Variants in URI1 observed in about 807,000 individuals in gnomAD.
The protein encoded by URI1 is URI1 prefoldin like chaperone, also known as unconventional prefoldin RPB5 interactor 1.
A neutral mutation model predicts 60.2 loss-of-function variants in URI1; 39 were observed. The observed-to-expected ratio is 0.65, with a 90% CI of 0.50 to 0.85. The LOEUF is 0.85. URI1 is among the 40% of genes least tolerant of loss of function. The pLI is 0.00. For synonymous variants in URI1, 251 were observed against 236.8 expected, an observed-to-expected ratio of 1.06 and a Z score of -0.55; for missense variants, 691 against 665.9, an observed-to-expected ratio of 1.04 and a Z score of -0.42.
chr19:29,942,779 G>C (rs1339398316), intron 1 of URI1, 115 bp downstream of exon 1: 2 of 1,181,850 alleles, frequency 1.7e-6, no homozygotes, highest in Non-Finnish European at 2.1e-6. Context: ...CGGAGGGAAC[G>C]GGGATAAACT....
rs146837082 is a variant in URI1 at position 29,994,980 on chromosome 19, C to T, written c.367+8563C>T. ...TATTTTTAGTAGAGACAGGGTTTCA[C>T]CATGTTGGCCAGGCTGATCTTGAAC... On this transcript the variant is annotated intron_variant, in intron 4 of 10. Coordinates refer to ENST00000392271, the MANE Select transcript of URI1 (RefSeq NM_003796.3). 7.0e-3 allele frequency among the ~76,000 whole-genome samples: 1,061 copies of T among 152,152 alleles called. 8 individuals are homozygous for T. The highest frequency in any genetic ancestry group is 0.024 in the African/African-American group (1,006 of 41,486).
chr19:30,005,448 G>C lies in URI1; in HGVS notation c.455G>C (p.Ser152Thr). The change falls in exon 5 of 11, where the codon AGC becomes ACC. Residue 152 changes from serine (S) to threonine (T), a missense_variant. By Grantham distance (58) the Ser-to-Thr change is moderately conservative (BLOSUM62 1). Coordinates refer to ENST00000392271, the MANE Select transcript of URI1 (RefSeq NM_003796.3). ...VEFTEDLQKMSDAAGDIVDIR... is the reference protein window; with the variant it reads ...VEFTEDLQKMTDAAGDIVDIR... ...TTCACAGAAGATTTGCAGAAAATGA[G>C]CGATGTGAGTATTTGTTTTTAGTCT... 4 of 1,596,168 alleles carry C rather than the reference G, an allele frequency of 2.5e-6. No homozygotes were observed. In the Middle Eastern group the frequency reaches 5.1e-4, roughly 202 times the overall value.
intron 2 of URI1, among the ~76,000 whole-genome samples, chr19:29,981,569 AGTTTCTTACAT>A (rs2055598250): frequency 6.6e-6 from 1 of 152,088 alleles, no homozygotes; most frequent in African/African-American, 2.4e-5. Flanking sequence ...AAGTGGTTAA[AGTTTCTTACAT>A]GCCTTATACC....
At chr19:30,002,678 GTTTTTAT>G (rs1201974824) in intron 4 of URI1, among the ~76,000 whole-genome samples, 2 of 151,682 alleles carry the variant, frequency 1.3e-5, no homozygotes, top group African/African-American at 4.8e-5. Flanking sequence ...TTCAATTTTA[GTTTTTAT>G]TTTTTGGGGT....
At chr19:30,011,335 C>G in intron 9 of URI1, 99 bp downstream of exon 9, 5 of 1,441,366 alleles carry the variant, frequency 3.5e-6, no homozygotes, top group Non-Finnish European at 4.6e-6. Flanking sequence ...ACAGAAGACC[C>G]TCACTGAAAA....
Position 30,011,128 on chromosome 19 carries a change from A to C in URI1, c.1070A>C (p.Lys357Thr). The C allele has an allele frequency of 6.2e-7, 1 of 1,612,990 alleles. No homozygotes were observed. Among genetic ancestry groups the C allele is most frequent in the East Asian group, 2.2e-5 (1 of 44,788 alleles). The change falls in exon 9 of 11, where the codon AAA becomes ACA. Residue 357 changes from lysine to threonine, a missense_variant. Coordinates refer to ENST00000392271, the MANE Select transcript of URI1 (RefSeq NM_003796.3). Reference sequence around the variant, plus strand: ...AATACTGGAAAGAATACCACTTTAAAATTCAGTGAAAAGAAAGAAGAAGCC... The same window carrying C: ...AATACTGGAAAGAATACCACTTTAACATTCAGTGAAAAGAAAGAAGAAGCC... ...RINTGKNTTLKFSEKKEEAKR... is the reference protein window; with the variant it reads ...RINTGKNTTLTFSEKKEEAKR...
chr19:29,980,026 C>T (rs912624804), intron 2 of URI1: 7 of 152,002 alleles, frequency 4.6e-5, no homozygotes, highest in Non-Finnish European at 1.0e-4. Flanking sequence ...TAACTTTTAT[C>T]AATTTGTTTA....
upstream of URI1, chr19:29,942,136 G>C (rs1175957161): frequency 1.1e-6 from 1 of 872,124 alleles, no homozygotes; most frequent in Non-Finnish European, 1.4e-6. Context: ...CAGCCACGCG[G>C]TTCGCATCAA....
chr19:29,934,781 C>G (rs927007579), intron 1 of URI1, among the ~76,000 whole-genome samples: 3 of 140,178 alleles, frequency 2.1e-5, no homozygotes, highest in Non-Finnish European at 3.0e-5. Flanking sequence ...AGTCTTGAAT[C>G]CTGGGCTCAA....
Position 29,942,494 on chromosome 19 carries a change from T to G in URI1, c.-54T>G, listed in dbSNP as rs978606559. The G allele has an allele frequency of 2.6e-6, 3 of 1,154,120 alleles. No individual in the cohort carries two copies. The highest frequency in any genetic ancestry group is 3.3e-5 in the African/African-American group (2 of 61,278). 71.5% of individuals were successfully genotyped at this position (1,154,120 alleles called of 1,614,324 possible). ...CTGGGCAACTGCCGGCCGCGCCGCC[T>G]GCGCAGGCGCTGGTTCAGGACTCAC... On this transcript the variant is annotated 5_prime_UTR_variant, in exon 1 of 11. Transcript: ENST00000392271.
chr19:29,956,596 A>G (rs932592653), intron 1 of URI1: 3 of 1,504,180 alleles, frequency 2.0e-6, no homozygotes, highest in East Asian at 2.3e-5. Flanking sequence ...TGAACAGGCA[A>G]CACCTGGTCT....
chr19:29,961,204 A>C (rs1272216934), intron 1 of URI1, among the ~76,000 whole-genome samples: 5 of 148,352 alleles, frequency 3.4e-5, no homozygotes, highest in Non-Finnish European at 5.9e-5. Flanking sequence ...CATTGGGTAT[A>C]TTCACGTTGT....
intron 4 of URI1, among the ~76,000 whole-genome samples, chr19:29,996,647 A>G (rs1164078591): frequency 1.3e-5 from 2 of 152,118 alleles, no homozygotes; most frequent in Admixed American, 1.3e-4. Context: ...GTTGTTGAAT[A>G]GACATGTTCA....
At chr19:29,988,278 T>TA (rs2055698699) in intron 4 of URI1, among the ~76,000 whole-genome samples, 1 of 152,008 alleles carries the variant, frequency 6.6e-6, no homozygotes, top group East Asian at 1.9e-4. Context: ...TAAGAAAAGG[T>TA]ACTTTATTTT....
At chr19:29,980,987 A>G (rs2145358149) in intron 2 of URI1, among the ~76,000 whole-genome samples, 1 of 151,594 alleles carries the variant, frequency 6.6e-6, no homozygotes, top group East Asian at 1.9e-4. Flanking sequence ...TTCTTACTTT[A>G]AAGTAAAATT....
At chr19:29,972,656 G>A (rs1320025019) in intron 2 of URI1, among the ~76,000 whole-genome samples, 5 of 152,098 alleles carry the variant, frequency 3.3e-5, no homozygotes, top group Non-Finnish European at 7.4e-5. Context: ...AGCCCCTACT[G>A]CTATGTTTGG....
chr19:29,931,818 T>G (rs1196590235), intron 1 of URI1, among the ~76,000 whole-genome samples: 3 of 152,132 alleles, frequency 2.0e-5, no homozygotes, highest in Non-Finnish European at 4.4e-5. Flanking sequence ...TGTTTCCTAC[T>G]ACTTAGAAAT....
chr19:29,956,688 G>A (rs1164192561), intron 1 of URI1: 2 of 1,547,250 alleles, frequency 1.3e-6, no homozygotes, highest in East Asian at 2.2e-5. Flanking sequence ...CGACGTTGAT[G>A]GGGGAAGTGA....
intron 1 of URI1, among the ~76,000 whole-genome samples, chr19:29,959,132 G>GT: frequency 6.6e-6 from 1 of 152,088 alleles, no homozygotes; most frequent in Non-Finnish European, 1.5e-5. Context: ...TGTGTGTTTT[G>GT]TTTTTGTTTT....
Sources: gnomAD v4.1 joint callset for allele counts (sites outside exome capture counted in the v4.1 genomes callset) on GRCh38, gnomAD v4.1.1 for gene constraint, MANE v1.5 for transcripts, NCBI Gene and HGNC (gene_info 2026-07-23, HGNC 2026-07-21) for gene names.